The following TRPM3 variants were observed in gnomAD, a reference collection of about 807,000 sequenced individuals.
TRPM3 encodes transient receptor potential cation channel subfamily M member 3.
A neutral mutation model predicts 181.2 loss-of-function variants in TRPM3; 77 were observed. That is an observed-to-expected ratio of 0.42 (90% CI 0.35 to 0.51). The LOEUF is 0.51. Among genes scored for constraint, TRPM3 ranks in the 20% least tolerant of loss-of-function variants. The pLI, the probability that TRPM3 is intolerant of heterozygous loss-of-function variation, is 0.01. For missense variants in TRPM3, 1,759 were observed against 2,196.7 expected (o/e 0.80, Z 3.98); for synonymous variants, 745 against 796.4 (o/e 0.94, Z 1.09).
chr9:70,890,821 G>T (rs1043613662), intron 1 of TRPM3, among the ~76,000 whole-genome samples: 5 of 152,006 alleles, frequency 3.3e-5, no homozygotes, highest in Admixed American at 3.3e-4. Flanking sequence ...ACCAAGCACA[G>T]GACAGAGGCA....
At chr9:71,431,092 T>C (rs1008161381) in intron 1 of TRPM3, among the ~76,000 whole-genome samples, 4 of 152,148 alleles carry the variant, frequency 2.6e-5, no homozygotes, top group Non-Finnish European at 5.9e-5. Flanking sequence ...AACCTTGAGA[T>C]AAACCAAGGT....
At chr9:70,573,606 GCAAAAAA>G (rs1034922561) in intron 22 of TRPM3, among the ~76,000 whole-genome samples, 34 of 151,178 alleles carry the variant, frequency 2.2e-4, no homozygotes, top group African/African-American at 6.3e-4. Context: ...ATCAGGGAGG[GCAAAAAA>G]CAAAAAACAA....
chr9:71,000,781 G>A (rs10868939), intron 1 of TRPM3, among the ~76,000 whole-genome samples: 53,056 of 151,960 alleles, frequency 0.35, 9,645 homozygotes, highest in Middle Eastern at 0.43. Flanking sequence ...TGAAAAGTGA[G>A]GTGGAGTCAT....
At chr9:71,263,089 T>G (rs2083171685) in intron 1 of TRPM3, among the ~76,000 whole-genome samples, 1 of 152,226 alleles carries the variant, frequency 6.6e-6, no homozygotes, top group South Asian at 2.1e-4. Flanking sequence ...TAAAAATAAC[T>G]AATGATATCA....
chr9:70,559,310 C>G (rs796261676), intron 22 of TRPM3, among the ~76,000 whole-genome samples: 109 of 152,322 alleles, frequency 7.2e-4, no homozygotes, highest in African/African-American at 2.5e-3. Flanking sequence ...CTCTATTTCA[C>G]TGGGTGTCTA....
At chr9:70,689,839 A>AAAT (rs1401970714) in intron 8 of TRPM3, among the ~76,000 whole-genome samples, 2 of 152,176 alleles carry the variant, frequency 1.3e-5, no homozygotes, top group Non-Finnish European at 2.9e-5. Flanking sequence ...TCTGGGAAAA[A>AAAT]AATAGGCATA....
chr9:70,961,331 T>C (rs939738870), intron 1 of TRPM3, among the ~76,000 whole-genome samples: 2 of 152,104 alleles, frequency 1.3e-5, no homozygotes, highest in Non-Finnish European at 1.5e-5. Flanking sequence ...GTACAACCCA[T>C]TTTGGACTTC....
intron 9 of TRPM3, among the ~76,000 whole-genome samples, chr9:70,647,258 A>G (rs1397372675): frequency 6.6e-6 from 1 of 152,194 alleles, no homozygotes; most frequent in East Asian, 1.9e-4. Flanking sequence ...CTTCAGGCCA[A>G]TATCCCTAAT....
At chr9:71,295,353 T>C (rs1035044192) in intron 1 of TRPM3, among the ~76,000 whole-genome samples, 8 of 151,776 alleles carry the variant, frequency 5.3e-5, no homozygotes, top group Non-Finnish European at 7.4e-5. Context: ...ATGCCGAATG[T>C]TGAATATTAG....
rs372253304 is a variant in TRPM3, at chr9:71,153,579, G to A, written c.184-289068C>T. Among the ~76,000 whole-genome samples, 192 of 152,090 alleles carry A rather than the reference G, an allele frequency of 1.3e-3. 1 individual carries two copies. Among genetic ancestry groups the A allele is most frequent in the African/African-American group, 3.8e-3 (156 of 41,516 alleles). On this transcript the variant is annotated intron_variant, in intron 1 of 24. Transcript: ENST00000357533. ...ATTACATGCACGAGCCACCACGCCC[G>A]GCCAAAATTTTGTTTTTCTAAATGT...
chr9:71,368,808 C>T (rs2092421858), intron 1 of TRPM3, among the ~76,000 whole-genome samples: 1 of 152,048 alleles, frequency 6.6e-6, no homozygotes, highest in Admixed American at 6.6e-5. Context: ...TAGACAAACA[C>T]TAATAAGTAA....
intron 1 of TRPM3, among the ~76,000 whole-genome samples, chr9:71,054,039 T>C (rs2060372233): frequency 6.6e-6 from 1 of 152,176 alleles, no homozygotes. Context: ...AGATCCTGGC[T>C]TTGCCTTATA....
intron 12 of TRPM3, 65 bp downstream of exon 12, chr9:70,635,146 G>A: frequency 7.0e-7 from 1 of 1,437,260 alleles, no homozygotes. Flanking sequence ...CAAAACAGAG[G>A]CACTCTCTAA....
At chr9:70,947,751 G>C (rs898881599) in intron 1 of TRPM3, among the ~76,000 whole-genome samples, 1 of 152,120 alleles carries the variant, frequency 6.6e-6, no homozygotes, top group African/African-American at 2.4e-5. Context: ...GTGTGTGGGT[G>C]GGGGAAAGAA....
chr9:71,167,041 T>C (rs544669558), intron 1 of TRPM3, among the ~76,000 whole-genome samples: 1 of 152,322 alleles, frequency 6.6e-6, no homozygotes, highest in Admixed American at 6.5e-5. Context: ...CTGTTGAATG[T>C]TCCATTTTTG....
chr9:71,154,226 T>C (rs1030695403), intron 1 of TRPM3, among the ~76,000 whole-genome samples: 1 of 152,148 alleles, frequency 6.6e-6, no homozygotes, highest in Admixed American at 6.6e-5. Context: ...TTTTAAAATA[T>C]AATATCCATA....
chr9:70,627,069 A>C (rs1207598903), intron 12 of TRPM3, among the ~76,000 whole-genome samples: 1 of 149,140 alleles, frequency 6.7e-6, no homozygotes, highest in Non-Finnish European at 1.5e-5. Flanking sequence ...TTTGAGTATT[A>C]TGTTCTCAGT....
chr9:71,442,530 C>A (rs1414771858), intron 1 of TRPM3, among the ~76,000 whole-genome samples: 5 of 151,982 alleles, frequency 3.3e-5, no homozygotes, highest in Non-Finnish European at 5.9e-5. Context: ...AAACTATACA[C>A]TGAAAAATGG....
intron 3 of TRPM3, among the ~76,000 whole-genome samples, chr9:70,860,407 C>T (rs1358933336): frequency 6.6e-6 from 1 of 152,132 alleles, no homozygotes; most frequent in African/African-American, 2.4e-5. Context: ...AGTTGCTCAG[C>T]TTTAACACCA....
Sources: gnomAD v4.1 joint callset for allele counts (sites outside exome capture counted in the v4.1 genomes callset) on GRCh38, gnomAD v4.1.1 for gene constraint, MANE v1.5 for transcripts, NCBI Gene and HGNC (gene_info 2026-07-23, HGNC 2026-07-21) for gene names.